The following CMSS1 variants were observed in gnomAD, a reference collection of about 807,000 sequenced individuals.
The protein encoded by CMSS1 is protein CMSS1.
In CMSS1, 33 loss-of-function variants were observed where a neutral mutation model predicts 43.5. The observed-to-expected ratio is 0.76, with a 90% CI of 0.57 to 1.01. The LOEUF (loss-of-function observed/expected upper bound fraction) is 1.01. Among genes scored for constraint, CMSS1 ranks in the 50% least tolerant of loss-of-function variants. CMSS1 has a pLI of 0.00. For missense variants in CMSS1, 313 were observed against 326.4 expected, an observed-to-expected ratio of 0.96 and a Z score of 0.32; for synonymous variants, 115 against 117.2, an observed-to-expected ratio of 0.98 and a Z score of 0.12.
At chr3:99,991,682 CTTA>C (rs1709514473) in intron 1 of CMSS1, among the ~76,000 whole-genome samples, 1 of 151,940 alleles carries the variant, frequency 6.6e-6, no homozygotes, top group Non-Finnish European at 1.5e-5. Flanking sequence ...GTAGCTCCCA[CTTA>C]TAGGTGAGAA....
chr3:99,840,315 C>G (rs1460377341), intron 1 of CMSS1, among the ~76,000 whole-genome samples: 1 of 150,536 alleles, frequency 6.6e-6, no homozygotes, highest in African/African-American at 2.5e-5. Context: ...CCTCTGCCTC[C>G]CGGGTTGAAG....
intron 1 of CMSS1, chr3:99,930,015 G>A: frequency 1.2e-6 from 2 of 1,610,770 alleles, no homozygotes; most frequent in Non-Finnish European, 1.7e-6. Flanking sequence ...AAATGCCTAT[G>A]ACCTCATCTC....
At chr3:100,158,352 C>T (rs1458665875) in intron 2 of CMSS1, among the ~76,000 whole-genome samples, 1 of 152,112 alleles carries the variant, frequency 6.6e-6, no homozygotes. Context: ...CATTACTTAT[C>T]AACTGTCAAA....
intron 1 of CMSS1, among the ~76,000 whole-genome samples, chr3:100,028,788 T>A (rs551763937): frequency 4.3e-4 from 66 of 152,212 alleles, no homozygotes; most frequent in African/African-American, 1.5e-3. Flanking sequence ...TTAAGAAGAG[T>A]TGACTCTGAT....
intron 1 of CMSS1, among the ~76,000 whole-genome samples, chr3:99,909,531 T>A (rs932481789): frequency 6.6e-6 from 1 of 152,174 alleles, no homozygotes; most frequent in Admixed American, 6.5e-5. Flanking sequence ...ACATAATCAT[T>A]CATGGCAAGG....
chr3:100,055,169 A>G (rs939190272), intron 1 of CMSS1, among the ~76,000 whole-genome samples: 2 of 152,184 alleles, frequency 1.3e-5, no homozygotes, highest in Non-Finnish European at 2.9e-5. Context: ...CAGGTCTCCC[A>G]GTTCTCCTCG....
intron 1 of CMSS1, among the ~76,000 whole-genome samples, chr3:100,069,933 A>G (rs2065733029): frequency 6.6e-6 from 1 of 152,238 alleles, no homozygotes; most frequent in African/African-American, 2.4e-5. Context: ...CTGGTTTGAT[A>G]GGGTAATTCA....
chr3:100,133,258 CAT>C (rs1379651038), intron 1 of CMSS1, among the ~76,000 whole-genome samples: 2 of 152,080 alleles, frequency 1.3e-5, no homozygotes, highest in African/African-American at 4.8e-5. Context: ...AGACTAATGA[CAT>C]GGGGAAATAC....
chr3:100,124,299 A>G (rs2066645057), intron 1 of CMSS1, among the ~76,000 whole-genome samples: 1 of 152,188 alleles, frequency 6.6e-6, no homozygotes, highest in Admixed American at 6.5e-5. Context: ...CAATAACTTG[A>G]AAATTGGAAG....
At chr3:99,898,840 T>G (rs975808462) in intron 1 of CMSS1, 2 of 152,140 alleles carry the variant, frequency 1.3e-5, no homozygotes, top group Non-Finnish European at 2.9e-5. Context: ...TTAATAAGGC[T>G]TGAACTATTA....
chr3:100,086,583 C>A (rs1234786553), intron 1 of CMSS1, among the ~76,000 whole-genome samples: 2 of 152,102 alleles, frequency 1.3e-5, no homozygotes, highest in Non-Finnish European at 2.9e-5. Flanking sequence ...TATTTATTAC[C>A]CACCAGGCTA....
At chr3:99,975,522 G>A (rs1231355479) in intron 1 of CMSS1, among the ~76,000 whole-genome samples, 1 of 151,864 alleles carries the variant, frequency 6.6e-6, no homozygotes, top group Non-Finnish European at 1.5e-5. Flanking sequence ...AACCCGGGAG[G>A]CAGACGTTGC....
intron 1 of CMSS1, among the ~76,000 whole-genome samples, chr3:99,969,728 A>C (rs1708759692): frequency 6.6e-6 from 1 of 152,150 alleles, no homozygotes; most frequent in Non-Finnish European, 1.5e-5. Flanking sequence ...CTAGATAATT[A>C]GTTGCAGGGT....
At chr3:99,979,547 G>C (rs531731419) in intron 1 of CMSS1, among the ~76,000 whole-genome samples, 1 of 152,184 alleles carries the variant, frequency 6.6e-6, no homozygotes, top group East Asian at 1.9e-4. Flanking sequence ...TTAAAGACTT[G>C]TTCTAATGAG....
At chr3:100,138,854 A>C (rs529723940) in intron 1 of CMSS1, among the ~76,000 whole-genome samples, 1 of 152,352 alleles carries the variant, frequency 6.6e-6, no homozygotes, top group East Asian at 1.9e-4. Context: ...ATCTACCCAA[A>C]GGAATATAAA....
intron 1 of CMSS1, among the ~76,000 whole-genome samples, chr3:99,992,937 A>T (rs2107138895): frequency 6.6e-6 from 1 of 152,006 alleles, no homozygotes; most frequent in Middle Eastern, 3.4e-3. Context: ...TTCCTAATGT[A>T]TATTTTTGTT....
At chr3:100,107,542 C>T (rs568227527) in intron 1 of CMSS1, among the ~76,000 whole-genome samples, 22 of 152,238 alleles carry the variant, frequency 1.4e-4, no homozygotes, top group Non-Finnish European at 2.9e-4. Context: ...ACTAACCTAA[C>T]CACTAAACGA....
chr3:99,929,905 G>C, intron 1 of CMSS1: 2 of 1,613,832 alleles, frequency 1.2e-6, no homozygotes, highest in Non-Finnish European at 1.7e-6. Flanking sequence ...GGTAGATTTC[G>C]CTTGAAAAGC....
At chr3:100,074,250 G>A (rs999043690) in intron 1 of CMSS1, among the ~76,000 whole-genome samples, 1 of 152,210 alleles carries the variant, frequency 6.6e-6, no homozygotes, top group African/African-American at 2.4e-5. Flanking sequence ...ACAGACTGTG[G>A]AGAGCTCTTC....
Sources: gnomAD v4.1 joint callset for allele counts (sites outside exome capture counted in the v4.1 genomes callset) on GRCh38, gnomAD v4.1.1 for gene constraint, MANE v1.5 for transcripts, NCBI Gene and HGNC (gene_info 2026-07-23, HGNC 2026-07-21) for gene names.